The following PLPPR1 variants were observed in gnomAD, a reference collection of about 807,000 sequenced individuals.
PLPPR1 encodes the protein phospholipid phosphatase-related protein type 1.
PLPPR1 carries 10 observed loss-of-function variants against 33.1 expected under a neutral mutation model. The ratio of observed to expected loss-of-function variants is 0.30; its 90% CI spans 0.19 to 0.51. PLPPR1 has a LOEUF of 0.51. PLPPR1 is among the 20% of genes least tolerant of loss of function. The probability of loss-of-function intolerance (pLI) is 0.97; values close to 1 mark genes in which losing one functional copy is unlikely to be tolerated. For missense variants in PLPPR1, 304 were observed against 408.1 expected, an observed-to-expected ratio of 0.74 and a Z score of 2.20; for synonymous variants, 151 against 151.0, an observed-to-expected ratio of 1.00 and a Z score of 0.00.
chr9:101,234,550 TA>T (rs1002528488), intron 2 of PLPPR1, among the ~76,000 whole-genome samples: 7 of 148,300 alleles, frequency 4.7e-5, no homozygotes, highest in Admixed American at 1.4e-4. Context: ...TGTATTTTTT[TA>T]AAAAAAAAAC....
At chr9:101,095,377 T>G (rs935340527) in intron 1 of PLPPR1, among the ~76,000 whole-genome samples, 3 of 152,174 alleles carry the variant, frequency 2.0e-5, no homozygotes, top group East Asian at 1.9e-4. Context: ...TTGTCCTTAC[T>G]ACTCCTTGGA....
At chr9:101,239,183 TG>T (rs1827399010) in intron 2 of PLPPR1, among the ~76,000 whole-genome samples, 1 of 151,818 alleles carries the variant, frequency 6.6e-6, no homozygotes, top group African/African-American at 2.4e-5. Flanking sequence ...GCAATAAACG[TG>T]GGGGTGCAGG....
At chr9:101,031,864 T>C (rs1346205849) in intron 1 of PLPPR1, among the ~76,000 whole-genome samples, 2 of 152,108 alleles carry the variant, frequency 1.3e-5, no homozygotes, top group African/African-American at 4.8e-5. Context: ...GTTAGAGCCA[T>C]TGAGGGTGAA....
At chr9:101,074,280 A>AT (rs1364988798) in intron 1 of PLPPR1, among the ~76,000 whole-genome samples, 1 of 152,114 alleles carries the variant, frequency 6.6e-6, no homozygotes, top group Non-Finnish European at 1.5e-5. Context: ...GGGATGTAGC[A>AT]TTTTTCCTCA....
intron 2 of PLPPR1, among the ~76,000 whole-genome samples, chr9:101,211,890 G>T (rs1400419160): frequency 6.6e-6 from 1 of 152,138 alleles, no homozygotes; most frequent in Non-Finnish European, 1.5e-5. Flanking sequence ...CTATGAAATG[G>T]ATATTATTAC....
chr9:101,199,248 G>A (rs569482439), intron 2 of PLPPR1, among the ~76,000 whole-genome samples: 1 of 152,248 alleles, frequency 6.6e-6, no homozygotes, highest in Non-Finnish European at 1.5e-5. Context: ...CATTCTGAAC[G>A]ACTATGTCAC....
At chr9:101,240,048 T>A (rs114220139) in intron 2 of PLPPR1, among the ~76,000 whole-genome samples, 1 of 152,074 alleles carries the variant, frequency 6.6e-6, no homozygotes, top group Admixed American at 6.6e-5. Context: ...TTAAGTCTAA[T>A]TCATTTTAAG....
intron 1 of PLPPR1, among the ~76,000 whole-genome samples, chr9:101,074,369 A>C (rs747841468): frequency 5.1e-4 from 77 of 152,090 alleles, no homozygotes; most frequent in Non-Finnish European, 1.2e-4. Context: ...TTTTTCCCTA[A>C]AAGAAAAAGT....
chr9:101,271,514 C>T (rs1828101207), intron 3 of PLPPR1, among the ~76,000 whole-genome samples: 1 of 152,108 alleles, frequency 6.6e-6, no homozygotes. Context: ...ATGCCCATTC[C>T]TCAGAGGAAG....
chr9:101,263,234 A>G (rs1827932153), intron 2 of PLPPR1, among the ~76,000 whole-genome samples: 1 of 152,234 alleles, frequency 6.6e-6, no homozygotes, highest in Non-Finnish European at 1.5e-5. Context: ...TACGTTGTTT[A>G]CAAGAACCCA....
intron 1 of PLPPR1, among the ~76,000 whole-genome samples, chr9:101,157,831 T>A (rs1357795005): frequency 2.0e-5 from 3 of 151,680 alleles, no homozygotes; most frequent in African/African-American, 7.3e-5. Context: ...TAAAACACCA[T>A]CTCTATTAAA....
chr9:101,174,732 T>C (rs1024754283), intron 1 of PLPPR1, among the ~76,000 whole-genome samples: 4 of 152,222 alleles, frequency 2.6e-5, no homozygotes, highest in African/African-American at 9.6e-5. Context: ...AAAGAAATTA[T>C]GTAGAAAATT....
At chr9:101,030,576 C>T (rs1056889769) in intron 1 of PLPPR1, among the ~76,000 whole-genome samples, 3 of 151,770 alleles carry the variant, frequency 2.0e-5, no homozygotes, top group South Asian at 2.1e-4. Flanking sequence ...ACCTGAAAGG[C>T]GGGTTGGGCA....
intron 1 of PLPPR1, among the ~76,000 whole-genome samples, chr9:101,044,371 C>T (rs374424360): frequency 2.3e-4 from 35 of 152,276 alleles, no homozygotes; most frequent in African/African-American, 7.0e-4. Context: ...ACACAGAAAA[C>T]ATTTGGAAGT....
At chr9:101,166,557 A>G (rs386471350) in intron 1 of PLPPR1, among the ~76,000 whole-genome samples, 1 of 152,336 alleles carries the variant, frequency 6.6e-6, no homozygotes, top group Non-Finnish European at 1.5e-5. Context: ...AAGAGAAGAT[A>G]CAGAGTAAGT....
At position 101,324,035 on chromosome 9, in the gene PLPPR1, C is replaced by T. The variant is rs140912404; in HGVS notation, c.956C>T (p.Ala319Val). The change falls in exon 8 of 8, where the codon GCG becomes GTG. Residue 319 changes from alanine (A) to valine (V), a missense_variant. Physicochemically the swap from Ala to Val is moderately conservative, Grantham distance 64 (BLOSUM62 0). Transcript: ENST00000374874. The stretch of plus-strand genomic sequence containing the variant: ...GTGTTTGCTCCACAGAATCACTCTG[C>T]GTCCATGACCGAAGTTACCTGAGAC... ...LETLSAQNHS[A>V]SMTEVT The T allele has an allele frequency of 5.0e-5, 81 of 1,612,512 alleles. No homozygotes were observed. The highest frequency in any genetic ancestry group is 6.3e-5 in the Non-Finnish European group (74 of 1,178,864).
At chr9:101,134,257 T>C (rs1483719891) in intron 1 of PLPPR1, among the ~76,000 whole-genome samples, 5 of 152,218 alleles carry the variant, frequency 3.3e-5, no homozygotes, top group African/African-American at 4.8e-5. Context: ...ATAGAAAATA[T>C]GAAAGTTTAA....
At chr9:101,174,162 G>A (rs1031808392) in intron 1 of PLPPR1, among the ~76,000 whole-genome samples, 2 of 152,002 alleles carry the variant, frequency 1.3e-5, no homozygotes, top group African/African-American at 4.8e-5. Flanking sequence ...GTCAGAAAAA[G>A]AAAAGAAAGG....
chr9:101,215,693 C>A (rs538292627), intron 2 of PLPPR1, among the ~76,000 whole-genome samples: 1 of 151,036 alleles, frequency 6.6e-6, no homozygotes, highest in South Asian at 2.1e-4. Context: ...TCCATTAGCT[C>A]ATTTTTCATT....
Sources: gnomAD v4.1 joint callset for allele counts (sites outside exome capture counted in the v4.1 genomes callset) on GRCh38, gnomAD v4.1.1 for gene constraint, MANE v1.5 for transcripts, NCBI Gene and HGNC (gene_info 2026-07-23, HGNC 2026-07-21) for gene names.